The following MED22 variants were observed in gnomAD, a reference collection of about 807,000 sequenced individuals.
MED22 encodes the protein mediator of RNA polymerase II transcription subunit 22.
In MED22, 22 loss-of-function variants were observed where a neutral mutation model predicts 22.7. That is an observed-to-expected ratio of 0.97 (90% confidence interval 0.69 to 1.38). The LOEUF (loss-of-function observed/expected upper bound fraction) is 1.38, where lower values mean the gene tolerates loss of function less well. Ranked by LOEUF, MED22 falls within the 40% of genes most tolerant of loss-of-function variation. The pLI is 0.00. For missense variants in MED22, 247 were observed against 263.0 expected, an observed-to-expected ratio of 0.94 and a Z score of 0.42; for synonymous variants, 134 against 119.4, an observed-to-expected ratio of 1.12 and a Z score of -0.80.
In MED22 at chr9:133,342,080, C is replaced by T; in HGVS notation, c.414-386G>A. ...CCTCCCTCCTCCCTGACTGCAGAAACCCCAGTGTCACTACACTGCAAAGAG... is the reference window on the plus strand; with the variant it reads ...CCTCCCTCCTCCCTGACTGCAGAAATCCCAGTGTCACTACACTGCAAAGAG... On this transcript the variant is annotated intron_variant, in intron 4 of 4. Transcript: ENST00000343730. 3 of 1,088,092 alleles carry T rather than the reference C, an allele frequency of 2.8e-6. No individual in the cohort carries two copies. The South Asian group carries it at 7.1e-5, about 26-fold the overall frequency. 67.4% of individuals were successfully genotyped at this position (1,088,092 alleles called of 1,614,324 possible).
chr9:133,341,290 T>G lies in MED22; in HGVS notation c.*215A>C. On this transcript the variant is annotated 3_prime_UTR_variant, in exon 5 of 5. Coordinates refer to ENST00000343730, the MANE Select transcript of MED22 (RefSeq NM_133640.5). ...AGCAAACAGAGATGATGACTCGGAA[T>G]GATGGGCTATTCGGAAATGGCTAGG... 2.1e-6 allele frequency: 1 copy of G among 466,520 alleles called. No individual in the cohort carries two copies. Among genetic ancestry groups the G allele is most frequent in the Non-Finnish European group, 3.7e-6 (1 of 272,944 alleles). 28.9% of individuals were successfully genotyped at this position (466,520 alleles called of 1,614,324 possible).
At position 133,341,485 on chromosome 9, in the gene MED22, C is replaced by G. The variant is rs2129948403; in HGVS notation, c.*20G>C. The G allele has an allele frequency of 6.8e-7, 1 of 1,471,546 alleles. No homozygotes were observed. Among genetic ancestry groups the G allele is most frequent in the Non-Finnish European group, 8.9e-7 (1 of 1,119,564 alleles). The allele number at this position is 1,471,546 out of a possible 1,614,324, so 91.2% of individuals were successfully genotyped here. A position where few individuals can be genotyped will look rare whatever the true frequency, so the allele number is the denominator to read the frequency against. On this transcript the variant is annotated 3_prime_UTR_variant, in exon 5 of 5. Transcript: ENST00000343730. ...CTGCCTCAGGTTTTGTTCCTGAGAACGAAGCGTGGCCCCGGAGGCTCAGGC... is the reference window on the plus strand; with the variant it reads ...CTGCCTCAGGTTTTGTTCCTGAGAAGGAAGCGTGGCCCCGGAGGCTCAGGC...
chr9:133,347,549 C>T (rs1024898905), intron 1 of MED22: 2 of 152,244 alleles, frequency 1.3e-5, no homozygotes, highest in Admixed American at 6.5e-5. Context: ...AATTCCACTC[C>T]CTCGCTTAAC....
Position 133,347,980 on chromosome 9 carries a change from G to C in MED22, c.-97C>G. The C allele has an allele frequency of 1.9e-6, 1 of 531,924 alleles. No homozygotes were observed. Among genetic ancestry groups the C allele is most frequent in the Non-Finnish European group, 3.4e-6 (1 of 294,520 alleles). The allele number at this position is 531,924 out of a possible 1,614,324, so 33.0% of individuals were successfully genotyped here. A position where few individuals can be genotyped will look rare whatever the true frequency, so the allele number is the denominator to read the frequency against. On this transcript the variant is annotated 5_prime_UTR_variant, in exon 1 of 5. Transcript: ENST00000343730. ...CGCCGGGTCGGCCTAGGGCGGGGTG[G>C]TCAAGTGCCTCTGCGACCCGCACTT... is the stretch of plus-strand genomic sequence containing the variant.
At position 133,339,434 on chromosome 9, in the gene MED22, TG is replaced by T; in HGVS notation, c.*2070del. The T allele has an allele frequency of 1.3e-6, 1 of 781,826 alleles. No homozygotes were observed. Among genetic ancestry groups the T allele is most frequent in the Non-Finnish European group, 2.3e-6 (1 of 432,508 alleles). The allele number at this position is 781,826 out of a possible 1,614,324, so 48.4% of individuals were successfully genotyped here. On this transcript the variant is annotated 3_prime_UTR_variant, in exon 5 of 5. Coordinates refer to ENST00000343730, the MANE Select transcript of MED22 (RefSeq NM_133640.5). ...ACCAATGGGAAGGAGCCTGAGCTGC[TG>T]GAACCTCTTCCCTATGAATTCATGG...
chr9:133,340,559 A>T lies in MED22; in HGVS notation c.*946T>A, dbSNP rs991655094. Reference sequence around the variant, plus strand: ...CAAAAGACACTGGGTCTAGACTTCCATCAGGTTCAAGTTCTGATTCCTGCC... The same window carrying T: ...CAAAAGACACTGGGTCTAGACTTCCTTCAGGTTCAAGTTCTGATTCCTGCC... On this transcript the variant is annotated 3_prime_UTR_variant, in exon 5 of 5. Transcript: ENST00000343730. 3 of 152,244 alleles carry T rather than the reference A, an allele frequency of 2.0e-5. No homozygotes were observed. The highest frequency in any genetic ancestry group is 7.2e-5 in the African/African-American group (3 of 41,448). The allele number at this position is 152,244 out of a possible 1,614,324, so 9.4% of individuals were successfully genotyped here.
chr9:133,342,100 A>C, intron 4 of MED22: 2 of 1,052,726 alleles, frequency 1.9e-6, no homozygotes, highest in Non-Finnish European at 1.1e-6. Flanking sequence ...ACTACACTGC[A>C]AAGAGCTCTC....
At position 133,338,399 on chromosome 9, in the gene MED22, G is replaced by A. The variant is rs2129940559; in HGVS notation, c.*3106C>T. The A allele has an allele frequency of 3.9e-5, 6 of 153,642 alleles. No individual in the cohort carries two copies. The Middle Eastern group carries it at 9.7e-3, about 248-fold the overall frequency. 9.5% of individuals were successfully genotyped at this position (153,642 alleles called of 1,614,324 possible). A position where few individuals can be genotyped will look rare whatever the true frequency, so the allele number is the denominator to read the frequency against. ...CGGCTCACTGCAACCTCCGCCTCCC[G>A]GGTTCAAGCGATTCTCCTGCCTCCG... is the stretch of plus-strand genomic sequence containing the variant. On this transcript the variant is annotated 3_prime_UTR_variant, in exon 5 of 5. Transcript: ENST00000343730.
Position 133,344,256 on chromosome 9 carries a change from C to T in MED22, c.282G>A (p.Val94=). ...GGTTGCGCTGGTCAATGGCCTCGTT[C>T]ACGGAGGGGAAGTCATTGAGGATCA... is the stretch of plus-strand genomic sequence containing the variant. ...QFLILNDFPS[V]NEAIDQRNQQ... Residue 94 remains valine, a synonymous_variant, in exon 4 of 5, where the codon GTG becomes GTA. Coordinates refer to ENST00000343730, the MANE Select transcript of MED22 (RefSeq NM_133640.5). 2 of 1,614,218 alleles carry T rather than the reference C, an allele frequency of 1.2e-6. No individual in the cohort carries two copies. The highest frequency in any genetic ancestry group is 1.7e-6 in the Non-Finnish European group (2 of 1,180,046).
At chr9:133,342,572 G>A (rs1200293071) in intron 4 of MED22, 1 of 984,738 alleles carries the variant, frequency 1.0e-6, no homozygotes, top group Non-Finnish European at 1.2e-6. Flanking sequence ...AGGGCAGGGA[G>A]CGGAGCGCCC....
chr9:133,347,421 C>A (rs2129971740), intron 1 of MED22: 13,434 of 152,382 alleles, frequency 0.088, 688 homozygotes, highest in Middle Eastern at 0.15. Context: ...GAGGCTGAGG[C>A]AGGAGAATCG....
intron 2 of MED22, 108 bp from the exon 3 acceptor site, chr9:133,345,360 C>T (rs2129965077): frequency 5.7e-6 from 6 of 1,057,318 alleles, no homozygotes; most frequent in East Asian, 2.6e-5. Context: ...GATGTCCACA[C>T]TGGCCACAAC....
rs2129950018 is a variant in MED22, at chr9:133,341,667, C to T, written c.441G>A (p.Leu147=). ...GCCTCCCGTAAGCTTCGCACAGAGG[C>T]AGGTCATTAGCTTCGCAAAGGCTTG... ...SSSSLCEAND[L]PLCEAYGRLD... The change falls in exon 5 of 5, where the codon CTG becomes CTA. Residue 147 remains leucine (L), a synonymous_variant. Transcript: ENST00000343730. 1 of 1,608,306 alleles carries T rather than the reference C, an allele frequency of 6.2e-7. No homozygotes were observed. Among genetic ancestry groups the T allele is most frequent in the South Asian group, 1.1e-5 (1 of 90,144 alleles).
intron 4 of MED22, chr9:133,343,093 T>C (rs906490143): frequency 1.0e-6 from 1 of 1,002,668 alleles, no homozygotes; most frequent in Non-Finnish European, 1.2e-6. Flanking sequence ...AAAGATTCCC[T>C]CAGAACCCCC....
rs2129963972 is a variant in MED22 at position 133,345,165 on chromosome 9, C to T, written c.204+7G>A. On this transcript the variant is annotated splice_region_variant and intron_variant, in intron 3 of 4. Transcript: ENST00000343730. ...CCCAGGCCGTGCCCTCCACCCTGGCCACTCACGATGTTGGCGGCTCGCACA... is the reference window on the plus strand; with the variant it reads ...CCCAGGCCGTGCCCTCCACCCTGGCTACTCACGATGTTGGCGGCTCGCACA... The T allele has an allele frequency of 2.1e-5, 34 of 1,613,748 alleles. No individual in the cohort carries two copies. In the East Asian group the frequency reaches 7.4e-4, roughly 35 times the overall value.
Position 133,341,466 on chromosome 9 carries a change from C to T in MED22, c.*39G>A. ...TGTGAGGGCATCCAAAGGGCTGCCT[C>T]AGGTTTTGTTCCTGAGAACGAAGCG... is the stretch of plus-strand genomic sequence containing the variant. On this transcript the variant is annotated 3_prime_UTR_variant, in exon 5 of 5. Coordinates refer to ENST00000343730, the MANE Select transcript of MED22 (RefSeq NM_133640.5). 7 of 1,457,042 alleles carry T rather than the reference C, an allele frequency of 4.8e-6. No individual in the cohort carries two copies. Among genetic ancestry groups the T allele is most frequent in the Non-Finnish European group, 4.5e-6 (5 of 1,111,492 alleles). 90.3% of individuals were successfully genotyped at this position (1,457,042 alleles called of 1,614,324 possible). A position where few individuals can be genotyped will look rare whatever the true frequency, so the allele number is the denominator to read the frequency against.
At chr9:133,344,460 T>C (rs1367395232) in intron 3 of MED22, 127 bp from the exon 4 acceptor site, 2 of 879,482 alleles carry the variant, frequency 2.3e-6, no homozygotes, top group African/African-American at 3.3e-5. Flanking sequence ...AAAGTGGGAC[T>C]CTACCCCTGA....
intron 4 of MED22, chr9:133,342,823 C>T (rs1009679181): frequency 7.2e-5 from 71 of 985,428 alleles, no homozygotes; most frequent in Non-Finnish European, 8.2e-5. Flanking sequence ...CCTGGGTTTG[C>T]GCCCTGCTCT....
chr9:133,341,344 G>T lies in MED22; in HGVS notation c.*161C>A. ...ACAACTGTTTCCCTACTGTCCTGGCGGGACCCACCCTGGGCTAACGGGCTT... is the reference window on the plus strand; with the variant it reads ...ACAACTGTTTCCCTACTGTCCTGGCTGGACCCACCCTGGGCTAACGGGCTT... On this transcript the variant is annotated 3_prime_UTR_variant, in exon 5 of 5. Coordinates refer to ENST00000343730, the MANE Select transcript of MED22 (RefSeq NM_133640.5). 1 of 681,088 alleles carries T rather than the reference G, an allele frequency of 1.5e-6. No individual in the cohort carries two copies. The highest frequency in any genetic ancestry group is 2.3e-6 in the Non-Finnish European group (1 of 443,498). 42.2% of individuals were successfully genotyped at this position (681,088 alleles called of 1,614,324 possible).
Sources: gnomAD v4.1 joint callset for allele counts on GRCh38, gnomAD v4.1.1 for gene constraint, MANE v1.5 for transcripts, NCBI Gene and HGNC (gene_info 2026-07-23, HGNC 2026-07-21) for gene names.